Variants in ATM observed in about 807,000 individuals in gnomAD.
ATM encodes the protein ATM serine/threonine kinase.
A neutral mutation model predicts 387.0 loss-of-function variants in ATM; 308 were observed. That is an observed-to-expected ratio of 0.80 (90% CI 0.73 to 0.87). The LOEUF is 0.87. Among genes scored for constraint, ATM ranks in the 40% least tolerant of loss-of-function variants. The pLI, the probability that ATM is intolerant of heterozygous loss-of-function variation, is 0.00. For synonymous variants in ATM, 1,156 were observed against 1,187.3 expected, an observed-to-expected ratio of 0.97 and a Z score of 0.54; for missense variants, 3,312 against 3,560.9, an observed-to-expected ratio of 0.93 and a Z score of 1.78.
At chr11:108,304,523 GTTTT>G (rs921888791) in intron 36 of ATM, 148 bp from the exon 37 acceptor site, 39 of 809,210 alleles carry the variant, frequency 4.8e-5, no homozygotes, top group Non-Finnish European at 7.1e-5. Flanking sequence ...TTTTTTGTTT[GTTTT>G]TTTAGCAGTA....
intron 50 of ATM, 81 bp from the exon 51 acceptor site, chr11:108,331,363 C>T: frequency 6.5e-7 from 1 of 1,531,296 alleles, no homozygotes. Context: ...GGAGCACTGT[C>T]TTAAAATAAC....
intron 35 of ATM, 119 bp downstream of exon 35, chr11:108,301,908 A>T: frequency 9.0e-7 from 1 of 1,116,854 alleles, no homozygotes; most frequent in Non-Finnish European, 1.3e-6. Context: ...AACCTTTCCT[A>T]TAAGTAATTT....
At chr11:108,265,463 A>T (rs1328036336) in intron 16 of ATM, among the ~76,000 whole-genome samples, 1 of 152,194 alleles carries the variant, frequency 6.6e-6, no homozygotes, top group African/African-American at 2.4e-5. Flanking sequence ...CCTTCCTTAC[A>T]CCTGATAGAA....
intron 27 of ATM, among the ~76,000 whole-genome samples, chr11:108,287,988 C>A (rs1399408064): frequency 1.3e-5 from 2 of 152,076 alleles, no homozygotes; most frequent in African/African-American, 2.4e-5. Context: ...ATTGTGCCAT[C>A]TGTTGGCCCT....
intron 45 of ATM, among the ~76,000 whole-genome samples, chr11:108,322,675 A>C (rs1022816321): frequency 6.6e-6 from 1 of 152,094 alleles, no homozygotes; most frequent in Non-Finnish European, 1.5e-5. Flanking sequence ...TTAGCCCTAG[A>C]GAATTGTGCT....
chr11:108,318,688 C>CA (rs1315730885), intron 43 of ATM, among the ~76,000 whole-genome samples: 8 of 149,966 alleles, frequency 5.3e-5, no homozygotes, highest in Non-Finnish European at 1.0e-4. Context: ...GACTCTGTCT[C>CA]AAAAAAACAA....
intron 32 of ATM, among the ~76,000 whole-genome samples, chr11:108,296,419 T>A (rs1474652632): frequency 6.6e-6 from 1 of 152,008 alleles, no homozygotes; most frequent in Non-Finnish European, 1.5e-5. Flanking sequence ...CCCAGCTAAT[T>A]TTTTGTATCT....
chr11:108,265,713 A>T (rs1295745674), intron 16 of ATM, among the ~76,000 whole-genome samples: 1 of 144,050 alleles, frequency 6.9e-6, no homozygotes, highest in Admixed American at 7.1e-5. Flanking sequence ...AAAATGGGAG[A>T]AAATTTTCGC....
chr11:108,299,455 G>C (rs867033938), intron 33 of ATM: 2 of 362,214 alleles, frequency 5.5e-6, no homozygotes, highest in African/African-American at 2.1e-5. Flanking sequence ...GCGCCACCAC[G>C]CCTGGCTAAT....
At chr11:108,230,527 G>C (rs1448417679) in intron 4 of ATM, 1 of 152,160 alleles carries the variant, frequency 6.6e-6, no homozygotes, top group South Asian at 2.1e-4. Flanking sequence ...TTTGAAAGTA[G>C]CCACAATATT....
intron 59 of ATM, 144 bp downstream of exon 59, chr11:108,347,509 C>T: frequency 1.4e-6 from 1 of 690,668 alleles, no homozygotes; most frequent in South Asian, 1.9e-5. Flanking sequence ...TCAGCATAAA[C>T]AGTTGTCCTA....
At chr11:108,252,952 A>G in intron 12 of ATM, 40 bp downstream of exon 12, 1 of 1,489,692 alleles carries the variant, frequency 6.7e-7, no homozygotes, top group Non-Finnish European at 9.3e-7. Flanking sequence ...TTTAAGCTAT[A>G]GCTTTAATTA....
intron 40 of ATM, among the ~76,000 whole-genome samples, chr11:108,314,279 C>A (rs752095994): frequency 2.4e-4 from 37 of 152,002 alleles, no homozygotes; most frequent in Admixed American, 2.6e-4. Context: ...CCATCTCCAG[C>A]TAATTTTTGT....
chr11:108,347,257 T>C (rs758808792), intron 58 of ATM, 22 bp from the exon 59 acceptor site: 3 of 1,520,186 alleles, frequency 2.0e-6, no homozygotes, highest in Non-Finnish European at 2.7e-6. Context: ...GATTTCAGAT[T>C]GTTTGTTTCT....
intron 4 of ATM, chr11:108,230,806 AT>A (rs1289902349): frequency 6.6e-6 from 1 of 152,322 alleles, no homozygotes; most frequent in Non-Finnish European, 1.5e-5. Context: ...GGCTCAGGTG[AT>A]CCTCCTGCCT....
At chr11:108,297,249 A>C in intron 32 of ATM, 38 bp from the exon 33 acceptor site, 2 of 1,517,218 alleles carry the variant, frequency 1.3e-6, no homozygotes, top group East Asian at 4.5e-5. Context: ...TGTTGTCTTC[A>C]TGCTAGTTTA....
At chr11:108,332,956 G>T (rs2086442914) in intron 53 of ATM, 56 bp downstream of exon 53, 1 of 1,571,922 alleles carries the variant, frequency 6.4e-7, no homozygotes, top group African/African-American at 1.4e-5. Context: ...TCTCTGTAGA[G>T]ATATATTAGT....
chr11:108,325,672 T>C, intron 46 of ATM, 128 bp downstream of exon 46: 1 of 865,410 alleles, frequency 1.2e-6, no homozygotes, highest in Non-Finnish European at 1.7e-6. Flanking sequence ...ATAGTAAAAA[T>C]AATTGTTTAA....
rs748125666 is a variant in ATM, at chr11:108,257,526, A to G, written c.2296A>G (p.Lys766Glu). Residue 766 changes from lysine (K) to glutamate (E), a missense_variant, in exon 15 of 63, where the codon AAG (lysine) becomes GAG (glutamate). Lys to Glu is a moderately conservative substitution (Grantham distance 56). Coordinates refer to ENST00000675843, the MANE Select transcript of ATM (RefSeq NM_000051.4). ...AGAAAGTATCACTCTGTTTAAAAAT[A>G]AGACAAATGAGGAATTCAGAATTGG... ...AGESITLFKNKTNEEFRIGSL... is the reference protein window; with the variant it reads ...AGESITLFKNETNEEFRIGSL... 6.2e-7 allele frequency: 1 copy of G among 1,613,984 alleles called. No individual in the cohort carries two copies. The highest frequency in any genetic ancestry group is 1.1e-5 in the South Asian group (1 of 91,086).
Sources: gnomAD v4.1 joint callset for allele counts (sites outside exome capture counted in the v4.1 genomes callset) on GRCh38, gnomAD v4.1.1 for gene constraint, MANE v1.5 for transcripts, NCBI Gene and HGNC (gene_info 2026-07-23, HGNC 2026-07-21) for gene names.